The following WDR19 variants were observed in gnomAD, a reference collection of about 807,000 sequenced individuals.
WDR19 encodes the protein WD repeat domain 19.
In WDR19, 121 loss-of-function variants were observed where a neutral mutation model predicts 180.0. The ratio of observed to expected loss-of-function variants is 0.67; its 90% confidence interval spans 0.58 to 0.78. The LOEUF is 0.78. Ranked by LOEUF, WDR19 falls within the 30% of genes least tolerant of loss-of-function variation. WDR19 has a pLI of 0.00. For missense variants in WDR19, 1,450 were observed against 1,640.7 expected, an observed-to-expected ratio of 0.88 and a Z score of 2.01; for synonymous variants, 497 against 540.7, an observed-to-expected ratio of 0.92 and a Z score of 1.12.
At position 39,215,975 on chromosome 4, in the gene WDR19, T is replaced by A. The variant is rs1729027495; in HGVS notation, c.1096T>A (p.Ser366Thr). 2 of 1,611,430 alleles carry A rather than the reference T, an allele frequency of 1.2e-6. No individual in the cohort carries two copies. The highest frequency in any genetic ancestry group is 1.7e-6 in the Non-Finnish European group (2 of 1,178,882). Residue 366 changes from serine (S) to threonine (T), a missense_variant, in exon 11 of 37, where the codon TCC becomes ACC. Coordinates refer to ENST00000399820, the MANE Select transcript of WDR19 (RefSeq NM_025132.4). ...CAGCACAAGGATTGCCTATCTCACC[T>A]CCCTCCTTGAAGTCACCGTAGCCAA... ...ACSTRIAYLT[S>T]LLEVTVANPV...
intron 5 of WDR19, among the ~76,000 whole-genome samples, chr4:39,196,158 C>T (rs530678225): frequency 1.9e-4 from 29 of 152,262 alleles, no homozygotes; most frequent in Non-Finnish European, 3.5e-4. Flanking sequence ...CATTTAACAC[C>T]CAAGTCCCTT....
chr4:39,266,097 A>T lies in WDR19; in HGVS notation c.3218A>T (p.Gln1073Leu). ...GCCAAAGATGAACTGCTGACCAATC[A>T]GCTGATAGACCATCTCCTGGGGGAG... ...GQAKDELLTNQLIDHLLGEND... is the reference protein window; with the variant it reads ...GQAKDELLTNLLIDHLLGEND... The change falls in exon 29 of 37, where the codon CAG (glutamine) becomes CTG (leucine). Residue 1073 changes from glutamine (Q) to leucine (L), a missense_variant. By Grantham distance (113) the Gln-to-Leu change is moderately radical. Coordinates refer to ENST00000399820, the MANE Select transcript of WDR19 (RefSeq NM_025132.4). 6.4e-7 allele frequency: 1 copy of T among 1,561,168 alleles called. No individual in the cohort carries two copies. The highest frequency in any genetic ancestry group is 1.2e-5 in the South Asian group (1 of 84,376).
chr4:39,266,247 C>A, intron 29 of WDR19, 107 bp downstream of exon 29: 2 of 979,838 alleles, frequency 2.0e-6, no homozygotes, highest in Non-Finnish European at 2.9e-6. Context: ...AAAATTTTCT[C>A]TCTGCCAGTA....
intron 9 of WDR19, among the ~76,000 whole-genome samples, chr4:39,212,906 T>TA (rs1560498379): frequency 6.6e-6 from 1 of 152,008 alleles, no homozygotes; most frequent in Admixed American, 6.5e-5. Flanking sequence ...AACCCAACAG[T>TA]AAAAAAAGCA....
In WDR19 at chr4:39,228,305, T is replaced by C; in HGVS notation, c.1725T>C (p.Ala575=). The C allele has an allele frequency of 1.2e-6, 2 of 1,613,462 alleles. No individual in the cohort carries two copies. Among genetic ancestry groups the C allele is most frequent in the Non-Finnish European group, 1.7e-6 (2 of 1,179,582 alleles). The part of the protein sequence containing the change: ...NWPMDKGVFI[A]YDDDKVYTYV... ...CAATGGATAAAGGTGTATTTATTGC[T>C]TATGATGATGATAAGGTGTACACTT... The change falls in exon 16 of 37, where the codon GCT becomes GCC. Residue 575 remains alanine, a synonymous_variant. Transcript: ENST00000399820.
chr4:39,198,803 C>T lies in WDR19; in HGVS notation c.407-675C>T, dbSNP rs1164106581. 4.6e-5 allele frequency among the ~76,000 whole-genome samples: 7 copies of T among 152,198 alleles called. No homozygotes were observed. In the East Asian group the frequency reaches 1.4e-3, roughly 30 times the overall value. On this transcript the variant is annotated intron_variant, in intron 5 of 36. Coordinates refer to ENST00000399820, the MANE Select transcript of WDR19 (RefSeq NM_025132.4). ...TCACCTGAGGTCAGGAGTTCAAGAC[C>T]AGCCTGGCCAACATGGTGAAACCCT... is the stretch of plus-strand genomic sequence containing the variant.
chr4:39,223,394 G>T (rs995941238), intron 14 of WDR19, among the ~76,000 whole-genome samples: 7 of 152,106 alleles, frequency 4.6e-5, no homozygotes, highest in Admixed American at 2.6e-4. Flanking sequence ...GCAGTGGCGC[G>T]ATCTCAGCAC....
chr4:39,251,873 G>C, intron 24 of WDR19, among the ~76,000 whole-genome samples: 1 of 152,166 alleles, frequency 6.6e-6, no homozygotes, highest in East Asian at 1.9e-4. Context: ...TGCTGGAGAC[G>C]ATGTGGAGAA....
intron 21 of WDR19, among the ~76,000 whole-genome samples, chr4:39,243,224 T>C (rs1255171943): frequency 6.6e-6 from 1 of 152,232 alleles, no homozygotes; most frequent in East Asian, 1.9e-4. Flanking sequence ...AGTGTACTTT[T>C]CATTTTTGAC....
rs1732414187 is a variant in WDR19 at position 39,245,376 on chromosome 4, G to A, written c.2653G>A (p.Val885Ile). 1 of 1,613,342 alleles carries A rather than the reference G, an allele frequency of 6.2e-7. No individual in the cohort carries two copies. Residue 885 changes from valine (V) to isoleucine (I), a missense_variant, in exon 24 of 37, where the codon GTT becomes ATT. Val to Ile is a conservative substitution (Grantham distance 29). Transcript: ENST00000399820. ...CTGGACCTACCTTTCCAGGGCAAAA[G>A]TTGGTGATCTTCTGCCCCACGTTTC... ...VYIRSKNWAK[V>I]GDLLPHVSSP...
At position 39,234,734 on chromosome 4, in the gene WDR19, A is replaced by T. The variant is rs1731207851; in HGVS notation, c.2254-32A>T. 2.0e-6 allele frequency: 3 copies of T among 1,464,036 alleles called. No individual in the cohort carries two copies. The Admixed American group carries it at 5.9e-5, about 29-fold the overall frequency. 90.7% of individuals were successfully genotyped at this position (1,464,036 alleles called of 1,614,324 possible). A position where few individuals can be genotyped will look rare whatever the true frequency, so the allele number is the denominator to read the frequency against. On this transcript the variant is annotated intron_variant, in intron 19 of 36. Coordinates refer to ENST00000399820, the MANE Select transcript of WDR19 (RefSeq NM_025132.4). ...GTAACTTTGCAAAATAATTTTGCTC[A>T]TTTGAAATTAAGGTCTTTCTCTTCT... is the stretch of plus-strand genomic sequence containing the variant.
chr4:39,221,954 A>G (rs1017248287), intron 14 of WDR19, among the ~76,000 whole-genome samples: 3 of 152,174 alleles, frequency 2.0e-5, no homozygotes, highest in African/African-American at 7.2e-5. Context: ...AGTTTGGGGT[A>G]TTTACAAATA....
intron 3 of WDR19, among the ~76,000 whole-genome samples, chr4:39,186,968 G>A (rs1725625897): frequency 6.6e-6 from 1 of 152,178 alleles, no homozygotes; most frequent in South Asian, 2.1e-4. Context: ...TAAATTGTTG[G>A]AAAATAGTGA....
Position 39,257,472 on chromosome 4 carries a change from A to G in WDR19, c.3115-14A>G. On this transcript the variant is annotated splice_polypyrimidine_tract_variant and intron_variant, in intron 27 of 36. Coordinates refer to ENST00000399820, the MANE Select transcript of WDR19 (RefSeq NM_025132.4). ...CATTCTGAAAATTTTTAATTGCTGT[A>G]ATTCGCTTTTCAGGCACTTAAACAC... The G allele has an allele frequency of 1.9e-6, 3 of 1,566,852 alleles. No individual in the cohort carries two copies. Among genetic ancestry groups the G allele is most frequent in the Non-Finnish European group, 2.6e-6 (3 of 1,154,970 alleles).
chr4:39,280,949 A>C (rs922594686), intron 36 of WDR19, among the ~76,000 whole-genome samples: 1 of 152,132 alleles, frequency 6.6e-6, no homozygotes, highest in African/African-American at 2.4e-5. Flanking sequence ...GTAGATATCC[A>C]GCTGACCCGG....
chr4:39,183,875 AT>A lies in WDR19; in HGVS notation c.6+1313del, dbSNP rs778973955. 5.9e-5 allele frequency among the ~76,000 whole-genome samples: 9 copies of A among 152,342 alleles called. No homozygotes were observed. The East Asian group carries it at 1.5e-3, about 26-fold the overall frequency. Reference sequence around the variant, plus strand: ...ATCTATAGAGCTCCACTGAAAAAAAATAATATGAAATCACAGCTAGAGGCAA... The same window carrying A: ...ATCTATAGAGCTCCACTGAAAAAAAAAATATGAAATCACAGCTAGAGGCAA... On this transcript the variant is annotated intron_variant, in intron 1 of 36. Coordinates refer to ENST00000399820, the MANE Select transcript of WDR19 (RefSeq NM_025132.4).
At chr4:39,263,966 T>TA (rs1734549629) in intron 28 of WDR19, among the ~76,000 whole-genome samples, 1 of 151,588 alleles carries the variant, frequency 6.6e-6, no homozygotes, top group Non-Finnish European at 1.5e-5. Context: ...GTGCTGACCC[T>TA]AGCAGTGGAG....
chr4:39,265,260 C>T (rs1004414957), intron 28 of WDR19, among the ~76,000 whole-genome samples: 8 of 151,932 alleles, frequency 5.3e-5, no homozygotes, highest in African/African-American at 1.4e-4. Flanking sequence ...CCAGCCTTCC[C>T]TCCAGAACCC....
chr4:39,278,051 C>CAA (rs56151655), intron 34 of WDR19, 80 bp from the exon 35 acceptor site: 27,234 of 1,093,126 alleles, frequency 0.025, 2 homozygotes, highest in Middle Eastern at 0.027. Flanking sequence ...AAGATTCCGT[C>CAA]AAAAAAAAAA....
Sources: allele counts gnomAD v4.1 joint callset (sites outside exome capture counted in the v4.1 genomes callset), GRCh38; gene constraint gnomAD v4.1.1; transcripts MANE v1.5; gene names NCBI Gene and HGNC (gene_info 2026-07-23, HGNC 2026-07-21).